L3MBTL4: variants seen among roughly 807,000 people sequenced by gnomAD.
The protein encoded by L3MBTL4 is lethal(3)malignant brain tumor-like protein 4.
A neutral mutation model predicts 84.5 loss-of-function variants in L3MBTL4; 70 were observed. That is an observed-to-expected ratio of 0.83 (90% confidence interval 0.68 to 1.01). L3MBTL4 has a LOEUF of 1.01. Ranked by LOEUF, L3MBTL4 falls within the 50% of genes least tolerant of loss-of-function variation. L3MBTL4 has a pLI of 0.00. For synonymous variants in L3MBTL4, 274 were observed against 259.8 expected (o/e 1.05, Z -0.52); for missense variants, 715 against 754.8 (o/e 0.95, Z 0.62).
chr18:5,988,478 TA>T (rs1047390495), intron 16 of L3MBTL4, among the ~76,000 whole-genome samples: 2 of 152,166 alleles, frequency 1.3e-5, no homozygotes, highest in Admixed American at 6.5e-5. Context: ...TTTAAATCAC[TA>T]AAAAAATCTA....
At chr18:6,366,976 G>A (rs1424422753) in intron 1 of L3MBTL4, among the ~76,000 whole-genome samples, 1 of 152,216 alleles carries the variant, frequency 6.6e-6, no homozygotes. Flanking sequence ...GCAGTGACCT[G>A]ACTCACCGAA....
intron 12 of L3MBTL4, among the ~76,000 whole-genome samples, chr18:6,194,151 G>A (rs1350983204): frequency 6.6e-6 from 1 of 152,142 alleles, no homozygotes; most frequent in African/African-American, 2.4e-5. Flanking sequence ...AATTTTAGGT[G>A]CCAGTGAAAG....
chr18:5,998,025 C>T (rs375079109), intron 16 of L3MBTL4, among the ~76,000 whole-genome samples: 34 of 152,276 alleles, frequency 2.2e-4, no homozygotes, highest in African/African-American at 7.9e-4. Flanking sequence ...AAGAATTTAG[C>T]CTCTACCTAC....
intron 14 of L3MBTL4, among the ~76,000 whole-genome samples, chr18:6,126,697 C>T (rs1373389428): frequency 6.6e-6 from 1 of 152,142 alleles, no homozygotes; most frequent in African/African-American, 2.4e-5. Flanking sequence ...CAGACCTATA[C>T]ATTAACCTTG....
intron 8 of L3MBTL4, 23 bp downstream of exon 8, chr18:6,241,335 A>T (rs764513579): frequency 8.1e-6 from 11 of 1,355,254 alleles, no homozygotes; most frequent in Non-Finnish European, 1.0e-5. Flanking sequence ...AATTTGATTT[A>T]TGCTGGGAAA....
At chr18:6,283,973 T>A (rs1196664382) in intron 4 of L3MBTL4, among the ~76,000 whole-genome samples, 1 of 152,192 alleles carries the variant, frequency 6.6e-6, no homozygotes, top group African/African-American at 2.4e-5. Flanking sequence ...CACAGCTAAA[T>A]AACCAAAGTC....
intron 1 of L3MBTL4, among the ~76,000 whole-genome samples, chr18:6,366,891 G>T (rs532753691): frequency 2.0e-5 from 3 of 152,356 alleles, no homozygotes; most frequent in African/African-American, 7.2e-5. Flanking sequence ...CCTACAGGAA[G>T]ATCTCCTTTT....
chr18:6,261,931 C>T (rs554779644), intron 5 of L3MBTL4, among the ~76,000 whole-genome samples: 1 of 152,184 alleles, frequency 6.6e-6, no homozygotes, highest in Admixed American at 6.5e-5. Context: ...ACACTTCACC[C>T]TTAACACCCA....
chr18:6,302,799 A>C (rs958804513), intron 3 of L3MBTL4, among the ~76,000 whole-genome samples: 1 of 152,184 alleles, frequency 6.6e-6, no homozygotes, highest in African/African-American at 2.4e-5. Context: ...CCTGGCCAAC[A>C]TGGTGAAAAT....
rs112930685 is a variant in L3MBTL4 at position 6,144,992 on chromosome 18, G to C, written c.1097-6696C>G. Among the ~76,000 whole-genome samples the C allele has an allele frequency of 4.7e-3, 710 of 152,250 alleles. 4 individuals are homozygous for C. The highest frequency in any genetic ancestry group is 0.017 in the African/African-American group (687 of 41,530). On this transcript the variant is annotated intron_variant, in intron 13 of 18. Coordinates refer to ENST00000317931, the MANE Select transcript of L3MBTL4 (RefSeq NM_001330559.2). ...ATGCAAGAATGATATCCCTCTCTTT[G>C]ATTAAACTCTATGGTTTAATTTTTG...
At position 6,088,800 on chromosome 18, in the gene L3MBTL4, T is replaced by C. The variant is rs528625128; in HGVS notation, c.1373+4555A>G. On this transcript the variant is annotated intron_variant, in intron 15 of 18. Transcript: ENST00000317931. ...AAATAAACTAGTTGGCTCATGGCAG[T>C]GCAGTTTATCACCAAGATCATTAAG... 4.6e-5 allele frequency among the ~76,000 whole-genome samples: 7 copies of C among 152,348 alleles called. No homozygotes were observed. The South Asian group carries it at 1.4e-3, about 32-fold the overall frequency.
At chr18:6,241,292 A>G in intron 8 of L3MBTL4, 66 bp downstream of exon 8, 1 of 892,762 alleles carries the variant, frequency 1.1e-6, no homozygotes, top group Non-Finnish European at 1.8e-6. Context: ...AACAGAATAT[A>G]TAGTGAATTT....
chr18:6,159,395 G>A (rs899301996), intron 13 of L3MBTL4, among the ~76,000 whole-genome samples: 1 of 152,196 alleles, frequency 6.6e-6, no homozygotes, highest in African/African-American at 2.4e-5. Context: ...GTGAATCATT[G>A]AGTTGCCTCA....
chr18:6,164,563 C>T (rs965978280), intron 13 of L3MBTL4, among the ~76,000 whole-genome samples: 6 of 152,224 alleles, frequency 3.9e-5, no homozygotes, highest in African/African-American at 4.8e-5. Flanking sequence ...GATACCCAGG[C>T]AAACAGGGTC....
intron 12 of L3MBTL4, among the ~76,000 whole-genome samples, chr18:6,204,152 T>C (rs2045769263): frequency 6.6e-6 from 1 of 152,200 alleles, no homozygotes; most frequent in African/African-American, 2.4e-5. Context: ...TCTACACACC[T>C]CCTTTTTTCT....
chr18:6,042,554 C>T (rs113396090), intron 16 of L3MBTL4, among the ~76,000 whole-genome samples: 2,496 of 152,288 alleles, frequency 0.016, 73 homozygotes, highest in African/African-American at 0.057. Flanking sequence ...GTTATTCAAT[C>T]CAACACAATG....
intron 14 of L3MBTL4, among the ~76,000 whole-genome samples, chr18:6,131,269 G>A (rs2059867628): frequency 6.6e-6 from 1 of 152,122 alleles, no homozygotes; most frequent in Admixed American, 6.6e-5. Context: ...AGCTGAAATT[G>A]CCACCTTCTT....
In L3MBTL4 at chr18:6,215,732, T is replaced by C. The variant is rs766160009; in HGVS notation, c.870+18A>G. The C allele has an allele frequency of 6.8e-7, 1 of 1,479,446 alleles. No individual in the cohort carries two copies. Among genetic ancestry groups the C allele is most frequent in the South Asian group, 1.2e-5 (1 of 80,126 alleles). The allele number at this position is 1,479,446 out of a possible 1,614,324, so 91.6% of individuals were successfully genotyped here. The stretch of plus-strand genomic sequence containing the variant: ...AACGTTGTTTAAAGGTGAGAGTTTG[T>C]ACCCACATAGAACTTACCATTTTAA... On this transcript the variant is annotated intron_variant, in intron 11 of 18. Transcript: ENST00000317931.
chr18:6,098,390 C>A (rs919021734), intron 14 of L3MBTL4, among the ~76,000 whole-genome samples: 1 of 152,168 alleles, frequency 6.6e-6, no homozygotes, highest in Admixed American at 6.5e-5. Flanking sequence ...CCCTCTTGTT[C>A]CCAAACGCCA....
Sources: allele counts gnomAD v4.1 joint callset (sites outside exome capture counted in the v4.1 genomes callset), GRCh38; gene constraint gnomAD v4.1.1; transcripts MANE v1.5; gene names NCBI Gene and HGNC (gene_info 2026-07-23, HGNC 2026-07-21).